The following EFCAB10 variants were observed in gnomAD, a reference collection of about 807,000 sequenced individuals.
The protein encoded by EFCAB10 is EF-hand calcium-binding domain-containing protein 10.
A neutral mutation model predicts 7.7 loss-of-function variants in EFCAB10; 7 were observed. The ratio of observed to expected loss-of-function variants is 0.91; its 90% CI spans 0.52 to 1.72. The LOEUF (loss-of-function observed/expected upper bound fraction) is 1.72. Among genes scored for constraint, EFCAB10 ranks in the 40% most tolerant of loss-of-function variants. The pLI is 0.00. For synonymous variants in EFCAB10, 52 were observed against 21.0 expected (o/e 2.47, Z -4.03); for missense variants, 112 against 61.5 (o/e 1.82, Z -2.74).
intron 1 of EFCAB10, among the ~76,000 whole-genome samples, chr7:105,574,487 A>AGCTCCTTTTTTTTTTGAGACGGAATCTC (rs1175624143): frequency 1.4e-5 from 2 of 147,090 alleles, no homozygotes; most frequent in African/African-American, 5.0e-5. Context: ...TGTGCAGGGA[A>AGCTCCTTTTTTTTTTGAGACGGAATCTC]GCTCCTTTTT....
intron 4 of EFCAB10, among the ~76,000 whole-genome samples, chr7:105,565,817 T>C (rs1450962979): frequency 1.3e-5 from 2 of 152,228 alleles, no homozygotes; most frequent in Admixed American, 6.5e-5. Context: ...ACCAAGATGA[T>C]AGATGTGACC....
chr7:105,566,160 C>G (rs887583388), intron 4 of EFCAB10, among the ~76,000 whole-genome samples: 3 of 151,536 alleles, frequency 2.0e-5, no homozygotes, highest in Non-Finnish European at 2.9e-5. Context: ...CACCTGTAGT[C>G]CCACCTGCTT....
rs755565434 is a variant in EFCAB10, at chr7:105,565,233, T to C, written c.*214A>G. 4 of 1,544,348 alleles carry C rather than the reference T, an allele frequency of 2.6e-6. No homozygotes were observed. The Admixed American group carries it at 6.1e-5, about 23-fold the overall frequency. ...TAAAATGATTTAAAAACTTGAAAAA[T>C]AGAAACTGATGAAAATTTTTTGGTA... On this transcript the variant is annotated 3_prime_UTR_variant, in exon 5 of 5. Transcript: ENST00000480514.
chr7:105,575,278 C>T (rs1341188524), intron 1 of EFCAB10, among the ~76,000 whole-genome samples: 1 of 152,050 alleles, frequency 6.6e-6, no homozygotes, highest in African/African-American at 2.4e-5. Context: ...TACAGCCAAA[C>T]TATATCATAT....
At chr7:105,576,633 A>T (rs984125909) in intron 1 of EFCAB10, among the ~76,000 whole-genome samples, 1 of 152,056 alleles carries the variant, frequency 6.6e-6, no homozygotes, top group Admixed American at 6.5e-5. Context: ...TTTAGTAGAG[A>T]TGGAGTTTCA....
In EFCAB10 at chr7:105,565,530, A is replaced by G. The variant is rs200446656; in HGVS notation, c.*-83T>C. The G allele has an allele frequency of 6.9e-5, 111 of 1,613,006 alleles. No homozygotes were observed. The highest frequency in any genetic ancestry group is 4.9e-4 in the East Asian group (22 of 44,862). On this transcript the variant is annotated intron_variant, in intron 4 of 4. Coordinates refer to ENST00000480514, the MANE Select transcript of EFCAB10 (RefSeq NM_001355526.2). Reference sequence around the variant, plus strand: ...TTATATGAATTATTCTTTGTTTCAGATAATTCTTGCTAATCACTTCAATGA... The same window carrying G: ...TTATATGAATTATTCTTTGTTTCAGGTAATTCTTGCTAATCACTTCAATGA...
chr7:105,567,168 C>CT, intron 4 of EFCAB10: 1 of 1,604,582 alleles, frequency 6.2e-7, no homozygotes, highest in Non-Finnish European at 8.5e-7. Context: ...TTCTGCACTA[C>CT]TGCTGAAAGA....
At chr7:105,568,999 C>T (rs1791866237) in intron 3 of EFCAB10, among the ~76,000 whole-genome samples, 1 of 151,416 alleles carries the variant, frequency 6.6e-6, no homozygotes, top group South Asian at 2.1e-4. Context: ...GGAACTTCCT[C>T]TCTAACCCCA....
intron 1 of EFCAB10, among the ~76,000 whole-genome samples, chr7:105,578,133 T>C (rs1476501565): frequency 1.3e-5 from 2 of 152,208 alleles, no homozygotes; most frequent in Non-Finnish European, 2.9e-5. Flanking sequence ...AAGGTTCCAG[T>C]TGGCCTGGGA....
intron 1 of EFCAB10, chr7:105,571,784 C>T (rs906164378): frequency 6.6e-6 from 1 of 152,280 alleles, no homozygotes; most frequent in African/African-American, 2.4e-5. Context: ...TAGCATCCAC[C>T]TTACAGTCCT....
chr7:105,574,547 C>T (rs544299452), intron 1 of EFCAB10, among the ~76,000 whole-genome samples: 5 of 151,774 alleles, frequency 3.3e-5, no homozygotes, highest in South Asian at 2.1e-4. Context: ...TGCAGAGGCG[C>T]GATCTTGGCT....
rs1023571453 is a variant in EFCAB10, at chr7:105,580,936, T to A, written c.106+422A>T. Among the ~76,000 whole-genome samples, 3 of 152,188 alleles carry A rather than the reference T, an allele frequency of 2.0e-5. No homozygotes were observed. In the South Asian group the frequency reaches 6.2e-4, roughly 31 times the overall value. On this transcript the variant is annotated intron_variant, in intron 1 of 4. Transcript: ENST00000480514. ...TTGTTTAGTTGCCAGATTAAAAACTTTGGCCGTGCGCGGTGGCTCACGCCT... is the reference window on the plus strand; with the variant it reads ...TTGTTTAGTTGCCAGATTAAAAACTATGGCCGTGCGCGGTGGCTCACGCCT...
At chr7:105,567,032 GAGA>G (rs1791788530) in intron 4 of EFCAB10, 2 of 765,222 alleles carry the variant, frequency 2.6e-6, no homozygotes, top group Non-Finnish European at 4.0e-6. Flanking sequence ...CAGCAGTGCA[GAGA>G]AGCTGTTTAG....
In EFCAB10 at chr7:105,581,493, T is replaced by C. The variant is rs1792237828; in HGVS notation, c.-30A>G. On this transcript the variant is annotated 5_prime_UTR_variant, in exon 1 of 5. Transcript: ENST00000480514. Reference sequence around the variant, plus strand: ...CCGCGTCCCGCTGTTGCTAGGCGACTGCCTGGCGTCTCAGCCGTGCGACTC... The same window carrying C: ...CCGCGTCCCGCTGTTGCTAGGCGACCGCCTGGCGTCTCAGCCGTGCGACTC... The C allele has an allele frequency of 2.8e-6, 2 of 702,550 alleles. No individual in the cohort carries two copies. Among genetic ancestry groups the C allele is most frequent in the Non-Finnish European group, 5.2e-6 (2 of 384,676 alleles). 43.5% of individuals were successfully genotyped at this position (702,550 alleles called of 1,614,324 possible).
intron 1 of EFCAB10, among the ~76,000 whole-genome samples, chr7:105,575,938 G>C (rs1039778820): frequency 1.1e-4 from 17 of 152,104 alleles, no homozygotes; most frequent in Non-Finnish European, 1.8e-4. Flanking sequence ...TAGGGAGGCT[G>C]AGGCAGGAGA....
At chr7:105,567,015 T>C (rs1188725270) in intron 4 of EFCAB10, 8 of 582,696 alleles carry the variant, frequency 1.4e-5, no homozygotes, top group African/African-American at 1.9e-5. Context: ...ATAGAGAACA[T>C]GTGGACCAGC....
intron 1 of EFCAB10, among the ~76,000 whole-genome samples, chr7:105,579,792 G>A (rs1792175734): frequency 6.6e-6 from 1 of 152,132 alleles, no homozygotes; most frequent in Non-Finnish European, 1.5e-5. Flanking sequence ...TGCTAAAAGA[G>A]TTGAAATTAT....
At chr7:105,567,246 C>G (rs751165359) in intron 4 of EFCAB10, 1 of 1,613,518 alleles carries the variant, frequency 6.2e-7, no homozygotes, top group Non-Finnish European at 8.5e-7. Context: ...AATTTACAAA[C>G]TGGCTCAACA....
chr7:105,581,141 G>A (rs1019794725), intron 1 of EFCAB10, among the ~76,000 whole-genome samples: 1 of 152,146 alleles, frequency 6.6e-6, no homozygotes, highest in African/African-American at 2.4e-5. Context: ...AATCGCCCCT[G>A]AGAATCGCCA....
Sources: allele counts gnomAD v4.1 joint callset (sites outside exome capture counted in the v4.1 genomes callset), GRCh38; gene constraint gnomAD v4.1.1; transcripts MANE v1.5; gene names NCBI Gene and HGNC (gene_info 2026-07-23, HGNC 2026-07-21).